CALCR: variants seen among roughly 807,000 people sequenced by gnomAD.
CALCR encodes the protein calcitonin receptor.
A neutral mutation model predicts 59.5 loss-of-function variants in CALCR; 47 were observed. That is an observed-to-expected ratio of 0.79 (90% CI 0.63 to 1.01). The LOEUF (loss-of-function observed/expected upper bound fraction) is 1.01, where lower values mean the gene tolerates loss of function less well. CALCR is among the 50% of genes least tolerant of loss of function. CALCR has a pLI of 0.00. For missense variants in CALCR, 566 were observed against 597.1 expected (o/e 0.95, Z 0.54); for synonymous variants, 213 against 211.3 (o/e 1.01, Z -0.07).
intron 2 of CALCR, among the ~76,000 whole-genome samples, chr7:93,526,470 C>T (rs1308340477): frequency 1.3e-5 from 2 of 151,160 alleles, no homozygotes; most frequent in Non-Finnish European, 3.0e-5. Flanking sequence ...CAGAGAATAA[C>T]CAATACTGAT....
chr7:93,571,109 G>A lies in CALCR; in HGVS notation c.-27+3180C>T, dbSNP rs573182050. 3.9e-5 allele frequency among the ~76,000 whole-genome samples: 6 copies of A among 152,238 alleles called. No individual in the cohort carries two copies. The East Asian group carries it at 9.7e-4, about 25-fold the overall frequency. On this transcript the variant is annotated intron_variant, in intron 2 of 13. Coordinates refer to ENST00000426151, the MANE Select transcript of CALCR (RefSeq NM_001742.4). ...GTTTTGATACTAGAATTGAAAACAA[G>A]TTAGTATCATTATGAAAACACAAAA...
At chr7:93,485,423 C>T (rs1273394212) in intron 3 of CALCR, among the ~76,000 whole-genome samples, 2 of 151,492 alleles carry the variant, frequency 1.3e-5, no homozygotes, top group East Asian at 1.9e-4. Flanking sequence ...TTTCTAAAGC[C>T]TTTGTAATAA....
At chr7:93,505,596 T>C (rs929677713) in intron 2 of CALCR, among the ~76,000 whole-genome samples, 10 of 152,168 alleles carry the variant, frequency 6.6e-5, no homozygotes, top group African/African-American at 2.4e-4. Context: ...CTCAACCCTG[T>C]CTCCTTCCTT....
chr7:93,550,654 T>G (rs1789432967), intron 2 of CALCR, among the ~76,000 whole-genome samples: 1 of 118,148 alleles, frequency 8.5e-6, no homozygotes, highest in Non-Finnish European at 1.8e-5. Flanking sequence ...AGACAGAGTT[T>G]TGTAACAATT....
At chr7:93,561,906 C>G (rs940454205) in intron 2 of CALCR, among the ~76,000 whole-genome samples, 1 of 151,438 alleles carries the variant, frequency 6.6e-6, no homozygotes, top group Admixed American at 6.6e-5. Context: ...AGACCGTGAG[C>G]TCTGTAGTTA....
intron 2 of CALCR, among the ~76,000 whole-genome samples, chr7:93,507,749 T>C (rs963369185): frequency 2.2e-5 from 1 of 45,678 alleles, no homozygotes; most frequent in South Asian, 5.1e-4. Context: ...CTACTAAAAA[T>C]ACAAAAAAAA....
At chr7:93,566,327 CT>C (rs1789862799) in intron 2 of CALCR, among the ~76,000 whole-genome samples, 1 of 151,976 alleles carries the variant, frequency 6.6e-6, no homozygotes. Flanking sequence ...TGATCCTGAA[CT>C]ATTCCAGGTT....
chr7:93,521,201 G>C (rs1801756730), intron 2 of CALCR, among the ~76,000 whole-genome samples: 1 of 152,110 alleles, frequency 6.6e-6, no homozygotes, highest in Non-Finnish European at 1.5e-5. Context: ...CCAACTGATT[G>C]ATTTGTTGCC....
chr7:93,460,596 T>C lies in CALCR; in HGVS notation c.648+225A>G, dbSNP rs866385917. ...AAATATATATATATATATATATGTA[T>C]ATATATATATATATATGGTTTGTTG... On this transcript the variant is annotated intron_variant, in intron 8 of 13. Transcript: ENST00000426151. Among the ~76,000 whole-genome samples the C allele has an allele frequency of 1.6e-3, 78 of 47,922 alleles. 3 individuals carry two copies. Among genetic ancestry groups the C allele is most frequent in the African/African-American group, 5.7e-3 (74 of 12,998 alleles). 31.4% of individuals were successfully genotyped at this position (47,922 alleles called of 152,430 possible). A position where few individuals can be genotyped will look rare whatever the true frequency, so the allele number is the denominator to read the frequency against.
At chr7:93,442,308 T>C (rs1584539237) in intron 9 of CALCR, among the ~76,000 whole-genome samples, 1 of 152,272 alleles carries the variant, frequency 6.6e-6, no homozygotes, top group South Asian at 2.1e-4. Context: ...AATTGTAGCA[T>C]CATCAATTCA....
intron 2 of CALCR, among the ~76,000 whole-genome samples, chr7:93,573,203 C>A (rs905292382): frequency 1.3e-5 from 2 of 152,136 alleles, no homozygotes; most frequent in African/African-American, 4.8e-5. Context: ...TTTATAAATT[C>A]CATAATACTA....
chr7:93,548,587 G>C (rs1789358351), intron 2 of CALCR, among the ~76,000 whole-genome samples: 1 of 151,680 alleles, frequency 6.6e-6, no homozygotes, highest in African/African-American at 2.4e-5. Context: ...ATTATGAATA[G>C]AAGTGAGGGT....
chr7:93,438,115 C>T lies in CALCR; in HGVS notation c.875G>A (p.Ser292Asn), dbSNP rs1799820821. 5 of 1,613,896 alleles carry T rather than the reference C, an allele frequency of 3.1e-6. No homozygotes were observed. The highest frequency in any genetic ancestry group is 4.2e-6 in the Non-Finnish European group (5 of 1,179,852). The change falls in exon 11 of 14, where the codon AGT becomes AAT. Residue 292 changes from serine (S) to asparagine (N), a missense_variant. Physicochemically the swap from Ser to Asn is conservative, Grantham distance 46 (BLOSUM62 1). Coordinates refer to ENST00000426151, the MANE Select transcript of CALCR (RefSeq NM_001742.4). ...AVYFNDNCWL[S>N]VETHLLYIIH... ...TATGTAAAGCAAATGGGTTTCCACACTCAGCCAGCAGCTGAAAAAGGGCAA... is the reference window on the plus strand; with the variant it reads ...TATGTAAAGCAAATGGGTTTCCACATTCAGCCAGCAGCTGAAAAAGGGCAA...
intron 7 of CALCR, among the ~76,000 whole-genome samples, chr7:93,466,477 A>T (rs1178180586): frequency 1.3e-5 from 2 of 151,928 alleles, no homozygotes; most frequent in Non-Finnish European, 2.9e-5. Flanking sequence ...AAGGTTTAAG[A>T]TATGATTGAA....
intron 8 of CALCR, among the ~76,000 whole-genome samples, chr7:93,459,356 G>A (rs1322687779): frequency 6.6e-6 from 1 of 152,172 alleles, no homozygotes; most frequent in Non-Finnish European, 1.5e-5. Flanking sequence ...TATATGATTT[G>A]AGGCAAATTG....
rs150093839 is a variant in CALCR, at chr7:93,565,683, A to G, written c.-27+8606T>C. On this transcript the variant is annotated intron_variant, in intron 2 of 13. Coordinates refer to ENST00000426151, the MANE Select transcript of CALCR (RefSeq NM_001742.4). ...AGTCTATGTGATGTTAGTAATGAAA[A>G]AGTGGTCTAATACCCTGACCTTTCA... Among the ~76,000 whole-genome samples, 264 of 152,298 alleles carry G rather than the reference A, an allele frequency of 1.7e-3. 2 individuals are homozygous for G. Among genetic ancestry groups the G allele is most frequent in the Middle Eastern group, 6.8e-3 (2 of 294 alleles).
chr7:93,548,111 T>G (rs1789341888), intron 2 of CALCR, among the ~76,000 whole-genome samples: 2 of 152,208 alleles, frequency 1.3e-5, no homozygotes, highest in Admixed American at 1.3e-4. Context: ...TATTCTCTTT[T>G]CTAAGACTGA....
rs573429722 is a variant in CALCR at position 93,479,348 on chromosome 7, C to G, written c.205+6G>C. 514 of 1,604,968 alleles carry G rather than the reference C, an allele frequency of 3.2e-4. 8 individuals are homozygous for G. The South Asian group carries it at 5.4e-3, about 17-fold the overall frequency. On this transcript the variant is annotated splice_donor_region_variant and intron_variant, in intron 4 of 13. Transcript: ENST00000426151. ...AACATATGTTCATATATATCCTTCT[C>G]TTTACCTTCTCCTTGGTATGCGGGT...
chr7:93,448,199 C>T (rs1397548951), intron 8 of CALCR, among the ~76,000 whole-genome samples: 1 of 151,936 alleles, frequency 6.6e-6, no homozygotes, highest in Non-Finnish European at 1.5e-5. Context: ...CACACACACA[C>T]ACAAAAAACT....
Sources: allele counts gnomAD v4.1 joint callset (sites outside exome capture counted in the v4.1 genomes callset), GRCh38; gene constraint gnomAD v4.1.1; transcripts MANE v1.5; gene names NCBI Gene and HGNC (gene_info 2026-07-23, HGNC 2026-07-21).